Variants in FTO observed in about 807,000 individuals in gnomAD.
FTO encodes FTO alpha-ketoglutarate dependent dioxygenase, also known as alpha-ketoglutarate-dependent dioxygenase FTO.
Under a neutral mutation model 63.9 loss-of-function variants are expected in FTO, and 47 were observed. That is an observed-to-expected ratio of 0.74 (90% CI 0.58 to 0.94). The LOEUF (loss-of-function observed/expected upper bound fraction) is 0.94. FTO is among the 40% of genes least tolerant of loss of function. FTO has a pLI of 0.00. For synonymous variants in FTO, 207 were observed against 224.4 expected, an observed-to-expected ratio of 0.92 and a Z score of 0.69; for missense variants, 562 against 618.1, an observed-to-expected ratio of 0.91 and a Z score of 0.96.
chr16:53,832,217 C>T (rs1453943777), intron 3 of FTO, among the ~76,000 whole-genome samples: 3 of 152,210 alleles, frequency 2.0e-5, no homozygotes, highest in African/African-American at 4.8e-5. Flanking sequence ...AGAATGGCTA[C>T]ATTTTCTCCC....
intron 8 of FTO, among the ~76,000 whole-genome samples, chr16:53,960,359 T>C (rs575425721): frequency 6.6e-6 from 1 of 152,320 alleles, no homozygotes; most frequent in South Asian, 2.1e-4. Context: ...ACTTAGAAAA[T>C]GCCTGCCGTG....
chr16:53,877,112 G>A (rs1598886820), intron 5 of FTO, among the ~76,000 whole-genome samples: 1 of 152,206 alleles, frequency 6.6e-6, no homozygotes, highest in South Asian at 2.1e-4. Context: ...TGGCACCCAT[G>A]TGCACTGCCA....
rs117611561 is a variant in FTO at position 54,003,492 on chromosome 16, C to G, written c.1364+69383C>G. Among the ~76,000 whole-genome samples the G allele has an allele frequency of 9.0e-3, 1,369 of 152,282 alleles. 19 individuals carry two copies. The highest frequency in any genetic ancestry group is 0.029 in the African/African-American group (1,214 of 41,556). ...GGTATTACATTTCCCTAGGCTACAT[C>G]TCCATATAGAGCTTTCCTTTTTTAA... is the stretch of plus-strand genomic sequence containing the variant. On this transcript the variant is annotated intron_variant, in intron 8 of 8. Transcript: ENST00000471389.
At chr16:53,923,553 G>T (rs2082059584) in intron 7 of FTO, among the ~76,000 whole-genome samples, 1 of 152,240 alleles carries the variant, frequency 6.6e-6, no homozygotes. Context: ...TGCCAGTAGG[G>T]GCAGTGGGGT....
chr16:53,844,951 T>C (rs1384532726), intron 4 of FTO, among the ~76,000 whole-genome samples: 1 of 151,984 alleles, frequency 6.6e-6, no homozygotes, highest in Non-Finnish European at 1.5e-5. Flanking sequence ...TGTTGTTTCT[T>C]CTCAGGAACA....
At chr16:54,074,786 C>A (rs2665274) in intron 8 of FTO, among the ~76,000 whole-genome samples, 25,169 of 151,972 alleles carry the variant, frequency 0.17, 2,884 homozygotes, top group African/African-American at 0.33. Context: ...TAAGGCTCTA[C>A]CACATACTGC....
At chr16:53,864,447 G>T (rs2080253460) in intron 4 of FTO, among the ~76,000 whole-genome samples, 1 of 152,164 alleles carries the variant, frequency 6.6e-6, no homozygotes, top group African/African-American at 2.4e-5. Flanking sequence ...GGAAAGTCGT[G>T]AACATGAATT....
intron 1 of FTO, among the ~76,000 whole-genome samples, chr16:53,763,921 G>A (rs1050804151): frequency 2.6e-5 from 4 of 152,192 alleles, no homozygotes; most frequent in African/African-American, 7.2e-5. Flanking sequence ...TTACCAAAGC[G>A]ATGCCCTGGA....
intron 8 of FTO, among the ~76,000 whole-genome samples, chr16:54,055,764 T>C (rs1375242843): frequency 6.6e-6 from 1 of 151,974 alleles, no homozygotes; most frequent in African/African-American, 2.4e-5. Flanking sequence ...CACAGGAAGG[T>C]TTTGTTTGGG....
chr16:53,709,230 A>G (rs1440634446), intron 1 of FTO, among the ~76,000 whole-genome samples: 1 of 152,200 alleles, frequency 6.6e-6, no homozygotes, highest in Non-Finnish European at 1.5e-5. Flanking sequence ...CTGGAGGGTG[A>G]ATAAGAAGGT....
chr16:53,938,237 T>C (rs990660065), intron 8 of FTO, among the ~76,000 whole-genome samples: 1 of 152,244 alleles, frequency 6.6e-6, no homozygotes, highest in East Asian at 1.9e-4. Flanking sequence ...TCTGTAAATA[T>C]AAGAAGAAAG....
chr16:53,781,368 T>C (rs1258040479), intron 1 of FTO, among the ~76,000 whole-genome samples: 1 of 152,200 alleles, frequency 6.6e-6, no homozygotes, highest in Non-Finnish European at 1.5e-5. Context: ...TTTATGTAAA[T>C]GTAACATGAC....
At chr16:53,994,515 A>C (rs1241930778) in intron 8 of FTO, 3 of 151,772 alleles carry the variant, frequency 2.0e-5, no homozygotes, top group African/African-American at 7.3e-5. Context: ...ACGCACCACC[A>C]TGACAGGCCA....
chr16:53,886,575 C>T (rs771644783), intron 6 of FTO, among the ~76,000 whole-genome samples: 2 of 152,222 alleles, frequency 1.3e-5, no homozygotes, highest in African/African-American at 2.4e-5. Flanking sequence ...TTTAATAGCA[C>T]AGATAAGTTT....
chr16:53,711,047 C>T (rs1005971887), intron 1 of FTO, among the ~76,000 whole-genome samples: 14 of 150,758 alleles, frequency 9.3e-5, no homozygotes, highest in Admixed American at 2.7e-4. Flanking sequence ...TTATATAGCA[C>T]ATAAAACATT....
chr16:54,077,602 A>C (rs1323747830), intron 8 of FTO, among the ~76,000 whole-genome samples: 1 of 152,156 alleles, frequency 6.6e-6, no homozygotes, highest in African/African-American at 2.4e-5. Context: ...GACAATGTGA[A>C]GTTTGTGCCC....
At position 54,114,716 on chromosome 16, in the gene FTO, C is replaced by G. The variant is rs62034143; in HGVS notation, c.*2801C>G. The G allele has an allele frequency of 6.6e-6, 1 of 151,904 alleles. No individual in the cohort carries two copies. Among genetic ancestry groups the G allele is most frequent in the African/African-American group, 2.4e-5 (1 of 41,310 alleles). The allele number at this position is 151,904 out of a possible 1,614,324, so 9.4% of individuals were successfully genotyped here. ...GGTCAGGAGTTCGAGACCAGCCTGGCCAACACGGTGAAACCCCGTCTCTAC... is the reference window on the plus strand; with the variant it reads ...GGTCAGGAGTTCGAGACCAGCCTGGGCAACACGGTGAAACCCCGTCTCTAC... On this transcript the variant is annotated 3_prime_UTR_variant, in exon 9 of 9. Coordinates refer to ENST00000471389, the MANE Select transcript of FTO (RefSeq NM_001080432.3).
chr16:54,036,333 G>A (rs369339946), intron 8 of FTO, among the ~76,000 whole-genome samples: 3 of 152,210 alleles, frequency 2.0e-5, no homozygotes, highest in African/African-American at 2.4e-5. Flanking sequence ...GCATGCATAC[G>A]AGGGTGTTCA....
chr16:53,912,638 C>T (rs2081742022), intron 7 of FTO, among the ~76,000 whole-genome samples: 1 of 152,100 alleles, frequency 6.6e-6, no homozygotes, highest in African/African-American at 2.4e-5. Context: ...GTTGGAGCCT[C>T]TTCTTAATGG....
Sources: gnomAD v4.1 joint callset for allele counts (sites outside exome capture counted in the v4.1 genomes callset) on GRCh38, gnomAD v4.1.1 for gene constraint, MANE v1.5 for transcripts, NCBI Gene and HGNC (gene_info 2026-07-23, HGNC 2026-07-21) for gene names.